Variants in SIPA1L1 observed in about 807,000 individuals in gnomAD.
SIPA1L1 encodes signal induced proliferation associated 1 like 1, also known as signal-induced proliferation-associated 1-like protein 1.
A neutral mutation model predicts 162.7 loss-of-function variants in SIPA1L1; 26 were observed. That is an observed-to-expected ratio of 0.16 (90% CI 0.12 to 0.22). SIPA1L1 has a LOEUF of 0.22. SIPA1L1 is among the 10% of genes least tolerant of loss of function. The pLI, the probability that SIPA1L1 is intolerant of heterozygous loss-of-function variation, is 1.00. For missense variants in SIPA1L1, 1,874 were observed against 2,241.0 expected (o/e 0.84, Z 3.31); for synonymous variants, 829 against 837.4 (o/e 0.99, Z 0.17).
chr14:71,589,108 G>A lies in SIPA1L1; in HGVS notation c.1236G>A (p.Met412Ile). 1 of 1,614,128 alleles carries A rather than the reference G, an allele frequency of 6.2e-7. No homozygotes were observed. Among genetic ancestry groups the A allele is most frequent in the Non-Finnish European group, 8.5e-7 (1 of 1,179,984 alleles). Residue 412 changes from methionine (M) to isoleucine (I), a missense_variant, in exon 5 of 24, where the codon ATG (methionine) becomes ATA (isoleucine). Transcript: ENST00000381232. ...ATGATAAAAGCAATGAGCTTGTAAT[G>A]AGCTGTCCATATTTTCGGAATGAGA... The part of the protein sequence containing the change: ...QGDDKSNELV[M>I]SCPYFRNEIG...
intron 2 of SIPA1L1, among the ~76,000 whole-genome samples, chr14:71,473,298 CTG>C (rs1379415805): frequency 2.6e-4 from 40 of 151,928 alleles, no homozygotes; most frequent in African/African-American, 6.3e-4. Context: ...TAATATATAA[CTG>C]TAAGTCTAGA....
chr14:71,697,934 CAA>C (rs71929698), intron 13 of SIPA1L1, among the ~76,000 whole-genome samples: 1 of 149,946 alleles, frequency 6.7e-6, no homozygotes, highest in Non-Finnish European at 1.5e-5. Context: ...ATTAAAAAAA[CAA>C]AAAAAAAACC....
chr14:71,367,425 G>A (rs539533268), intron 2 of SIPA1L1, among the ~76,000 whole-genome samples: 2 of 150,734 alleles, frequency 1.3e-5, no homozygotes, highest in Non-Finnish European at 2.9e-5. Flanking sequence ...TCCTGCCTCA[G>A]CCTCTCTAGT....
At chr14:71,730,030 C>T in intron 19 of SIPA1L1, 25 bp from the exon 20 acceptor site, 1 of 1,605,258 alleles carries the variant, frequency 6.2e-7, no homozygotes, top group African/African-American at 1.3e-5. Context: ...AATTGACTTT[C>T]TTTTGTCTTG....
intron 13 of SIPA1L1, among the ~76,000 whole-genome samples, chr14:71,685,994 C>G (rs187983965): frequency 7.2e-5 from 11 of 152,172 alleles, no homozygotes; most frequent in Non-Finnish European, 8.8e-5. Flanking sequence ...TCATTTTGTT[C>G]CGAAATGATG....
At chr14:71,694,407 T>C (rs1413702644) in intron 13 of SIPA1L1, among the ~76,000 whole-genome samples, 3 of 152,080 alleles carry the variant, frequency 2.0e-5, no homozygotes, top group Admixed American at 2.0e-4. Flanking sequence ...TGGTGTTTAG[T>C]GTTAAGTGTA....
intron 2 of SIPA1L1, among the ~76,000 whole-genome samples, chr14:71,357,787 G>A (rs1382191551): frequency 2.0e-5 from 3 of 152,132 alleles, no homozygotes; most frequent in Non-Finnish European, 4.4e-5. Context: ...CAGTGCAGTG[G>A]TGCCATCTTG....
intron 5 of SIPA1L1, among the ~76,000 whole-genome samples, chr14:71,599,211 C>T (rs1010912828): frequency 2.3e-5 from 3 of 130,794 alleles, no homozygotes; most frequent in African/African-American, 5.9e-5. Flanking sequence ...AGTGCAATGG[C>T]ACGATTTCGG....
intron 2 of SIPA1L1, among the ~76,000 whole-genome samples, chr14:71,427,961 T>TTTG (rs1471891825): frequency 4.6e-5 from 7 of 152,060 alleles, no homozygotes; most frequent in Admixed American, 1.3e-4. Flanking sequence ...TTCTTGTGAT[T>TTTG]TTGTTGTTGT....
At chr14:71,364,076 A>G (rs771612571) in intron 2 of SIPA1L1, among the ~76,000 whole-genome samples, 12 of 152,182 alleles carry the variant, frequency 7.9e-5, no homozygotes, top group East Asian at 1.9e-4. Flanking sequence ...TACATTCATG[A>G]CTATTTACTG....
chr14:71,595,300 C>A (rs2035903956), intron 5 of SIPA1L1, among the ~76,000 whole-genome samples: 1 of 152,192 alleles, frequency 6.6e-6, no homozygotes, highest in Non-Finnish European at 1.5e-5. Flanking sequence ...TCATCAGCCC[C>A]TTTAGAAAGT....
At chr14:71,601,568 CT>C (rs1309682188) in intron 5 of SIPA1L1, among the ~76,000 whole-genome samples, 10 of 151,908 alleles carry the variant, frequency 6.6e-5, no homozygotes, top group African/African-American at 2.4e-4. Context: ...TTGTTGTGTC[CT>C]TATCTGGTTT....
chr14:71,517,588 A>T (rs1184286525), intron 3 of SIPA1L1, among the ~76,000 whole-genome samples: 1 of 152,198 alleles, frequency 6.6e-6, no homozygotes, highest in East Asian at 1.9e-4. Context: ...CCATCTGCCT[A>T]CCTAACATCT....
chr14:71,610,065 A>G (rs1361154139), intron 5 of SIPA1L1, among the ~76,000 whole-genome samples: 2 of 152,148 alleles, frequency 1.3e-5, no homozygotes, highest in African/African-American at 4.8e-5. Flanking sequence ...CATCATTTCA[A>G]AGTAGGGGTG....
chr14:71,562,137 G>T (rs963395267), intron 4 of SIPA1L1, among the ~76,000 whole-genome samples: 1 of 151,286 alleles, frequency 6.6e-6, no homozygotes, highest in African/African-American at 2.4e-5. Context: ...ATACTATATT[G>T]TCTCAATCTA....
At chr14:71,521,946 G>A (rs2052398055) in intron 3 of SIPA1L1, among the ~76,000 whole-genome samples, 2 of 152,132 alleles carry the variant, frequency 1.3e-5, no homozygotes, top group African/African-American at 4.8e-5. Context: ...CATCTTTTGT[G>A]TGGTATCGCC....
chr14:71,412,129 G>A (rs1240942599), intron 2 of SIPA1L1, among the ~76,000 whole-genome samples: 2 of 152,192 alleles, frequency 1.3e-5, no homozygotes, highest in Admixed American at 1.3e-4. Flanking sequence ...GGTGCAAGCT[G>A]CAGGCCAGTT....
chr14:71,738,036 G>A (rs571322542), intron 22 of SIPA1L1, among the ~76,000 whole-genome samples: 11 of 152,198 alleles, frequency 7.2e-5, no homozygotes, highest in African/African-American at 2.4e-4. Context: ...ATTGGCTGCA[G>A]TTCAAGCTTT....
chr14:71,412,822 C>T (rs2042499766), intron 2 of SIPA1L1, among the ~76,000 whole-genome samples: 1 of 152,138 alleles, frequency 6.6e-6, no homozygotes, highest in African/African-American at 2.4e-5. Context: ...ACGTGTCTGA[C>T]TTATTTAATA....
Sources: gnomAD v4.1 joint callset for allele counts (sites outside exome capture counted in the v4.1 genomes callset) on GRCh38, gnomAD v4.1.1 for gene constraint, MANE v1.5 for transcripts, NCBI Gene and HGNC (gene_info 2026-07-23, HGNC 2026-07-21) for gene names.